Variants in ORC4 observed in about 807,000 individuals in gnomAD.
The protein encoded by ORC4 is origin recognition complex subunit 4.
In ORC4, 55 loss-of-function variants were observed where a neutral mutation model predicts 63.9. That is an observed-to-expected ratio of 0.86 (90% CI 0.69 to 1.08). The LOEUF is 1.08. Ranked by LOEUF, ORC4 falls within the 50% of genes least tolerant of loss-of-function variation. ORC4 has a pLI of 0.00. For synonymous variants in ORC4, 150 were observed against 168.5 expected (o/e 0.89, Z 0.85); for missense variants, 511 against 504.4 (o/e 1.01, Z -0.13).
At position 148,006,541 on chromosome 2, in the gene ORC4, A is replaced by G. The variant is rs535963874; in HGVS notation, c.-18+14092T>C. Among the ~76,000 whole-genome samples the G allele has an allele frequency of 7.2e-5, 11 of 152,282 alleles. No homozygotes were observed. In the East Asian group the frequency reaches 1.9e-3, roughly 27 times the overall value. ...ACTTCAGCTTGGGGTAAGGAAAAGG[A>G]AGAGTAGACAGAACTTTGTTTTGCA... On this transcript the variant is annotated intron_variant, in intron 1 of 13. Coordinates refer to ENST00000392857, the MANE Select transcript of ORC4 (RefSeq NM_181741.4).
intron 1 of ORC4, among the ~76,000 whole-genome samples, chr2:147,979,893 C>A (rs1242532660): frequency 6.6e-6 from 1 of 152,036 alleles, no homozygotes; most frequent in East Asian, 1.9e-4. Flanking sequence ...TGAAATTGAA[C>A]CCTTATTGCA....
At chr2:147,968,434 T>G in intron 4 of ORC4, among the ~76,000 whole-genome samples, 1 of 151,974 alleles carries the variant, frequency 6.6e-6, no homozygotes, top group East Asian at 1.9e-4. Context: ...GGAACTCCAG[T>G]ATCTCAAAAG....
chr2:147,952,732 G>A (rs1473809331), intron 7 of ORC4, among the ~76,000 whole-genome samples: 1 of 152,152 alleles, frequency 6.6e-6, no homozygotes, highest in Non-Finnish European at 1.5e-5. Context: ...CTGCTCTCAA[G>A]AAGTTCAGTC....
chr2:147,939,070 T>A, intron 11 of ORC4, 70 bp downstream of exon 11: 1 of 944,688 alleles, frequency 1.1e-6, no homozygotes, highest in Non-Finnish European at 1.7e-6. Flanking sequence ...ATTGTAATTT[T>A]AAAAACATTC....
intron 1 of ORC4, among the ~76,000 whole-genome samples, chr2:147,996,907 A>G (rs1692008440): frequency 6.6e-6 from 1 of 152,234 alleles, no homozygotes; most frequent in Non-Finnish European, 1.5e-5. Flanking sequence ...TACCCTGGTT[A>G]CACCCAAATG....
At position 147,952,412 on chromosome 2, in the gene ORC4, T is replaced by A; in HGVS notation, c.549A>T (p.Ala183=). ...GACCAATAACTGCTATTGGGGTCTG[T>A]GCAGACTGAGAAATGTCAAAAAGAT... ...LYNLFDISQS[A]QTPIAVIGLT... Residue 183 remains alanine (A), a synonymous_variant, in exon 8 of 14, where the codon GCA becomes GCT. Transcript: ENST00000392857. 6.2e-7 allele frequency: 1 copy of A among 1,611,014 alleles called. No homozygotes were observed. Among genetic ancestry groups the A allele is most frequent in the East Asian group, 2.2e-5 (1 of 44,784 alleles).
intron 1 of ORC4, among the ~76,000 whole-genome samples, chr2:147,996,856 T>G (rs1007733048): frequency 2.0e-5 from 3 of 152,234 alleles, no homozygotes; most frequent in Non-Finnish European, 4.4e-5. Context: ...CAGCTTCTTA[T>G]AAAACTAAAC....
chr2:147,995,926 G>A (rs1691937399), intron 1 of ORC4, among the ~76,000 whole-genome samples: 1 of 151,984 alleles, frequency 6.6e-6, no homozygotes, highest in South Asian at 2.1e-4. Context: ...CTTGAACCCA[G>A]GAGGCAGAGG....
intron 1 of ORC4, among the ~76,000 whole-genome samples, chr2:147,993,766 C>A (rs1206390649): frequency 1.3e-5 from 2 of 152,062 alleles, no homozygotes; most frequent in Non-Finnish European, 2.9e-5. Flanking sequence ...AACTTTGGTA[C>A]CCTACCTTCA....
At chr2:147,939,001 GA>G in intron 11 of ORC4, 138 bp downstream of exon 11, 1 of 636,048 alleles carries the variant, frequency 1.6e-6, no homozygotes, top group Non-Finnish European at 2.8e-6. Context: ...CCTTTAAAAG[GA>G]CTAAGTTAAA....
chr2:148,014,152 T>A (rs1363049522), intron 1 of ORC4, among the ~76,000 whole-genome samples: 2 of 152,116 alleles, frequency 1.3e-5, no homozygotes, highest in Non-Finnish European at 2.9e-5. Context: ...AGGATGATTG[T>A]GTGCAATACA....
At chr2:147,963,159 G>T (rs184853767) in intron 4 of ORC4, among the ~76,000 whole-genome samples, 103 of 152,204 alleles carry the variant, frequency 6.8e-4, no homozygotes, top group Non-Finnish European at 2.2e-4. Context: ...TGCCCACGTC[G>T]CTAACCTGAG....
At chr2:147,952,347 T>C in intron 8 of ORC4, 26 bp downstream of exon 8, 1 of 1,512,102 alleles carries the variant, frequency 6.6e-7, no homozygotes, top group Non-Finnish European at 9.1e-7. Flanking sequence ...TTATAATCAA[T>C]TTTTTTAATG....
At chr2:148,004,190 TA>T (rs1692480471) in intron 1 of ORC4, among the ~76,000 whole-genome samples, 1 of 152,106 alleles carries the variant, frequency 6.6e-6, no homozygotes, top group African/African-American at 2.4e-5. Flanking sequence ...CCGCCCAAAG[TA>T]ATTTATAGAT....
chr2:147,975,644 G>A (rs1690505189), intron 2 of ORC4, among the ~76,000 whole-genome samples: 1 of 151,950 alleles, frequency 6.6e-6, no homozygotes, highest in African/African-American at 2.4e-5. Flanking sequence ...GACAAAAAGG[G>A]CAGAGAACAA....
chr2:147,948,706 T>C (rs1205887007), intron 8 of ORC4, among the ~76,000 whole-genome samples: 1 of 151,750 alleles, frequency 6.6e-6, no homozygotes, highest in Non-Finnish European at 1.5e-5. Flanking sequence ...TAGACTCTAT[T>C]TGTATTTGTG....
chr2:148,009,368 CAA>C (rs777093767), intron 1 of ORC4, among the ~76,000 whole-genome samples: 19 of 151,932 alleles, frequency 1.3e-4, no homozygotes, highest in Non-Finnish European at 2.5e-4. Context: ...AGACTAACAA[CAA>C]AAAGACGGAA....
At chr2:147,986,757 A>T (rs1268109915) in intron 1 of ORC4, among the ~76,000 whole-genome samples, 1 of 149,056 alleles carries the variant, frequency 6.7e-6, no homozygotes, top group African/African-American at 2.5e-5. Flanking sequence ...AAGCATAATT[A>T]AAAACACAAT....
chr2:148,014,446 A>G, intron 1 of ORC4, among the ~76,000 whole-genome samples: 1 of 152,200 alleles, frequency 6.6e-6, no homozygotes, highest in Non-Finnish European at 1.5e-5. Context: ...AGAAAAATGT[A>G]CCTTCTTAAA....
Sources: gnomAD v4.1 joint callset for allele counts (sites outside exome capture counted in the v4.1 genomes callset) on GRCh38, gnomAD v4.1.1 for gene constraint, MANE v1.5 for transcripts, NCBI Gene and HGNC (gene_info 2026-07-23, HGNC 2026-07-21) for gene names.